GRIK2: variants seen among roughly 807,000 people sequenced by gnomAD.
The protein encoded by GRIK2 is glutamate ionotropic receptor kainate type subunit 2.
In GRIK2, 32 loss-of-function variants were observed where a neutral mutation model predicts 100.3. The observed-to-expected ratio is 0.32, with a 90% CI of 0.24 to 0.43. GRIK2 has a LOEUF of 0.43. Among genes scored for constraint, GRIK2 ranks in the 20% least tolerant of loss-of-function variants. The pLI is 1.00. For missense variants in GRIK2, 843 were observed against 1,114.9 expected (o/e 0.76, Z 3.47); for synonymous variants, 417 against 389.4 (o/e 1.07, Z -0.83).
chr6:101,664,082 A>C (rs1330101904), intron 4 of GRIK2, among the ~76,000 whole-genome samples: 1 of 152,212 alleles, frequency 6.6e-6, no homozygotes, highest in Non-Finnish European at 1.5e-5. Context: ...TGTTTCAACC[A>C]TGCCTGGAGT....
intron 14 of GRIK2, among the ~76,000 whole-genome samples, chr6:101,956,768 G>A (rs983074302): frequency 6.3e-5 from 9 of 141,888 alleles, no homozygotes; most frequent in African/African-American, 2.3e-4. Context: ...GTGTATATAT[G>A]TGTGTATATA....
At chr6:102,000,786 A>T (rs1040980603) in intron 14 of GRIK2, among the ~76,000 whole-genome samples, 1 of 151,996 alleles carries the variant, frequency 6.6e-6, no homozygotes, top group African/African-American at 2.4e-5. Flanking sequence ...TTTGTTTCTG[A>T]TCAATCTAGT....
At chr6:101,920,329 G>A (rs1001048495) in intron 12 of GRIK2, among the ~76,000 whole-genome samples, 1 of 151,924 alleles carries the variant, frequency 6.6e-6, no homozygotes, top group East Asian at 1.9e-4. Context: ...TCCTCAGCAA[G>A]GGGCTTCTAA....
At chr6:101,440,843 A>C (rs1335432860) in intron 2 of GRIK2, among the ~76,000 whole-genome samples, 1 of 148,006 alleles carries the variant, frequency 6.8e-6, no homozygotes. Context: ...AGGACCAAAA[A>C]CTCCTCAGCC....
At chr6:102,064,960 A>G (rs76925467) in intron 16 of GRIK2, among the ~76,000 whole-genome samples, 260 of 151,464 alleles carry the variant, frequency 1.7e-3, no homozygotes, top group Admixed American at 3.1e-3. Context: ...AAAAGAACCT[A>G]TCGTCTCACA....
intron 9 of GRIK2, among the ~76,000 whole-genome samples, chr6:101,805,187 A>G (rs144862689): frequency 1.3e-5 from 2 of 152,022 alleles, no homozygotes; most frequent in African/African-American, 4.8e-5. Flanking sequence ...CCCTGATGGA[A>G]TTCACAGTTT....
intron 14 of GRIK2, among the ~76,000 whole-genome samples, chr6:102,013,364 T>A (rs923051025): frequency 6.6e-6 from 1 of 152,182 alleles, no homozygotes; most frequent in Non-Finnish European, 1.5e-5. Context: ...AGATATAGAA[T>A]CATGTCATCT....
At chr6:101,458,344 G>C (rs1419125967) in intron 2 of GRIK2, among the ~76,000 whole-genome samples, 3 of 152,158 alleles carry the variant, frequency 2.0e-5, no homozygotes, top group African/African-American at 7.2e-5. Context: ...CAGTTTGTTA[G>C]ATATTTCTTT....
At chr6:102,049,252 C>A (rs1195705072) in intron 15 of GRIK2, among the ~76,000 whole-genome samples, 1 of 151,868 alleles carries the variant, frequency 6.6e-6, no homozygotes, top group Non-Finnish European at 1.5e-5. Context: ...TATGTAAGTT[C>A]AAAGGCAGAA....
At chr6:101,611,636 CTGT>C (rs893695966) in intron 2 of GRIK2, among the ~76,000 whole-genome samples, 3 of 151,560 alleles carry the variant, frequency 2.0e-5, no homozygotes, top group African/African-American at 7.3e-5. Context: ...TCAAAAATAC[CTGT>C]TGTTTCATGG....
At chr6:101,540,152 T>C (rs141752533) in intron 2 of GRIK2, among the ~76,000 whole-genome samples, 5 of 152,024 alleles carry the variant, frequency 3.3e-5, no homozygotes, top group African/African-American at 1.2e-4. Context: ...TATGAAGATA[T>C]ACATTCTTTT....
chr6:101,550,665 G>C (rs926595010), intron 2 of GRIK2, among the ~76,000 whole-genome samples: 11 of 152,178 alleles, frequency 7.2e-5, no homozygotes, highest in African/African-American at 2.7e-4. Context: ...TACTATTACA[G>C]TGGGGAATTA....
intron 2 of GRIK2, among the ~76,000 whole-genome samples, chr6:101,496,554 G>T (rs1346143093): frequency 1.3e-5 from 2 of 152,118 alleles, no homozygotes; most frequent in African/African-American, 2.4e-5. Flanking sequence ...TGTCAACAAT[G>T]ATTAAATTGG....
At chr6:101,744,539 T>TATATAC (rs1554257091) in intron 7 of GRIK2, 1 of 123,070 alleles carries the variant, frequency 8.1e-6, no homozygotes, top group Non-Finnish European at 1.7e-5. Flanking sequence ...TATATATATA[T>TATATAC]ATATATATAT....
At chr6:101,541,331 C>T (rs1488012967) in intron 2 of GRIK2, among the ~76,000 whole-genome samples, 6 of 146,738 alleles carry the variant, frequency 4.1e-5, no homozygotes, top group South Asian at 4.5e-4. Flanking sequence ...AATTAGAAGT[C>T]GCCCAAAGGA....
At chr6:102,022,706 T>G (rs560215935) in intron 14 of GRIK2, among the ~76,000 whole-genome samples, 1 of 151,816 alleles carries the variant, frequency 6.6e-6, no homozygotes, top group Non-Finnish European at 1.5e-5. Flanking sequence ...TTATATTTTT[T>G]ATAATCTAGT....
chr6:101,632,238 G>C (rs1331120268), intron 4 of GRIK2, among the ~76,000 whole-genome samples: 1 of 152,046 alleles, frequency 6.6e-6, no homozygotes, highest in Non-Finnish European at 1.5e-5. Flanking sequence ...AAACACCCAT[G>C]ACCATCCCCA....
chr6:101,799,966 A>G (rs1361756703), intron 8 of GRIK2, among the ~76,000 whole-genome samples, 175 bp downstream of exon 8: 2 of 152,132 alleles, frequency 1.3e-5, no homozygotes, highest in African/African-American at 4.8e-5. Context: ...ATGAAAGGTG[A>G]GGGGAAACAA....
intron 2 of GRIK2, among the ~76,000 whole-genome samples, chr6:101,483,393 A>G (rs1351097305): frequency 6.6e-6 from 1 of 152,214 alleles, no homozygotes; most frequent in Admixed American, 6.5e-5. Context: ...GGGTTCAAAT[A>G]TGCCACTTCT....
Sources: gnomAD v4.1 joint callset for allele counts (sites outside exome capture counted in the v4.1 genomes callset) on GRCh38, gnomAD v4.1.1 for gene constraint, MANE v1.5 for transcripts, NCBI Gene and HGNC (gene_info 2026-07-23, HGNC 2026-07-21) for gene names.